DNAH5: variants seen among roughly 807,000 people sequenced by gnomAD.
The protein encoded by DNAH5 is axonemal beta dynein heavy chain 5.
A neutral mutation model predicts 518.2 loss-of-function variants in DNAH5; 372 were observed. The ratio of observed to expected loss-of-function variants is 0.72; its 90% CI spans 0.66 to 0.78. DNAH5 has a LOEUF of 0.78. DNAH5 is among the 30% of genes least tolerant of loss of function. The pLI is 0.00. For missense variants in DNAH5, 5,523 were observed against 5,687.0 expected (o/e 0.97, Z 0.93); for synonymous variants, 2,039 against 2,025.9 (o/e 1.01, Z -0.17).
At chr5:13,882,622 T>C in intron 21 of DNAH5, 106 bp downstream of exon 21, 1 of 902,162 alleles carries the variant, frequency 1.1e-6, no homozygotes, top group African/African-American at 1.6e-5. Context: ...AGATTAATAT[T>C]CTGATGTAAA....
chr5:13,854,272 C>G lies in DNAH5; in HGVS notation c.4951-3457G>C, dbSNP rs540771355. Among the ~76,000 whole-genome samples, 3 of 152,230 alleles carry G rather than the reference C, an allele frequency of 2.0e-5. No individual in the cohort carries two copies. In the South Asian group the frequency reaches 6.2e-4, roughly 32 times the overall value. On this transcript the variant is annotated intron_variant, in intron 30 of 78. Coordinates refer to ENST00000265104, the MANE Select transcript of DNAH5 (RefSeq NM_001369.3). ...GAATTTCATATCCAGCCAAACTAAG[C>G]TTCATAAATGAAGGAGAAATAAAAT... is the stretch of plus-strand genomic sequence containing the variant.
chr5:13,701,151 A>C, intron 77 of DNAH5, 133 bp downstream of exon 77: 3 of 1,221,182 alleles, frequency 2.5e-6, no homozygotes, highest in Non-Finnish European at 3.6e-6. Flanking sequence ...ATTTATGTAC[A>C]TGACAATGTA....
chr5:13,869,407 G>C (rs1769751574), intron 24 of DNAH5, among the ~76,000 whole-genome samples: 1 of 151,976 alleles, frequency 6.6e-6, no homozygotes, highest in South Asian at 2.1e-4. Context: ...ATTTTCATCT[G>C]GAGGTTAACA....
chr5:13,947,155 T>C (rs929753870), upstream of DNAH5, among the ~76,000 whole-genome samples: 2 of 152,238 alleles, frequency 1.3e-5, no homozygotes, highest in Non-Finnish European at 2.9e-5. Context: ...AGTAAAATGT[T>C]ACAAATTTTG....
chr5:13,767,638 C>A (rs1752694074), intron 58 of DNAH5, among the ~76,000 whole-genome samples: 1 of 152,162 alleles, frequency 6.6e-6, no homozygotes, highest in Non-Finnish European at 1.5e-5. Context: ...GCTTACTTTA[C>A]TTTAGCTTTA....
At chr5:13,775,995 A>T (rs1023490188) in intron 55 of DNAH5, among the ~76,000 whole-genome samples, 1 of 151,102 alleles carries the variant, frequency 6.6e-6, no homozygotes, top group African/African-American at 2.4e-5. Flanking sequence ...AAAAAGCTAA[A>T]TGTACGCTCT....
chr5:13,979,149 C>T (rs1414908042), intron 1 of DNAH5, among the ~76,000 whole-genome samples: 3 of 152,110 alleles, frequency 2.0e-5, no homozygotes, highest in Non-Finnish European at 4.4e-5. Flanking sequence ...GGCTTTCCGG[C>T]TCACTGTTCC....
At chr5:13,949,093 G>A (rs1780160845), upstream of DNAH5, among the ~76,000 whole-genome samples, 1 of 152,294 alleles carries the variant, frequency 6.6e-6, no homozygotes, top group East Asian at 1.9e-4. Context: ...CATTGTCAGA[G>A]AGGATTCCAT....
rs371109536 is a variant in DNAH5 at position 13,769,112 on chromosome 5, C to G, written c.9745G>C (p.Ala3249Pro). The G allele has an allele frequency of 1.2e-6, 2 of 1,614,170 alleles. No homozygotes were observed. The highest frequency in any genetic ancestry group is 1.7e-5 in the Admixed American group (1 of 60,022). The change falls in exon 58 of 79, where the codon GCA (alanine) becomes CCA (proline). Residue 3249 changes from alanine (A) to proline (P), a missense_variant. This residue lies in a region of DNAH5 where 5,121 missense variants were observed against 5,223.3 expected (regional missense o/e 0.98). Transcript: ENST00000265104. Reference protein sequence around the residue: ...DMVLKEVTMKAQAAEKVKAEV... With the variant: ...DMVLKEVTMKPQAAEKVKAEV... Reference sequence around the variant, plus strand: ...GCCTTGACCTTTTCAGCAGCCTGTGCTTTCATTGTCACTTCTTTTAAGACC... The same window carrying G: ...GCCTTGACCTTTTCAGCAGCCTGTGGTTTCATTGTCACTTCTTTTAAGACC...
chr5:13,907,160 G>A (rs1244673314), intron 12 of DNAH5, among the ~76,000 whole-genome samples: 7 of 152,096 alleles, frequency 4.6e-5, no homozygotes, highest in Non-Finnish European at 8.8e-5. Flanking sequence ...GCCAGGCACG[G>A]TGGCTCACGA....
chr5:13,862,586 C>T lies in DNAH5; in HGVS notation c.4758G>A (p.Glu1586=), dbSNP rs1457524675. 1.9e-6 allele frequency: 3 copies of T among 1,613,946 alleles called. No homozygotes were observed. The highest frequency in any genetic ancestry group is 1.3e-5 in the African/African-American group (1 of 75,000). Reference sequence around the variant, plus strand: ...GGGATCCCAGCAACATCAAGCTGTCCTCCATGTTGGCGATGATTTCCGAGG... The same window carrying T: ...GGGATCCCAGCAACATCAAGCTGTCTTCCATGTTGGCGATGATTTCCGAGG... ...DSTSEIIANM[E]DSLMLLGSLL... The change falls in exon 29 of 79, where the codon GAG becomes GAA. Residue 1586 remains glutamate, a synonymous_variant. Transcript: ENST00000265104.
At chr5:13,849,538 A>G (rs148589977) in intron 31 of DNAH5, among the ~76,000 whole-genome samples, 5 of 152,356 alleles carry the variant, frequency 3.3e-5, no homozygotes, top group East Asian at 1.9e-4. Flanking sequence ...TATGAATCCT[A>G]TGAACCTATC....
intron 40 of DNAH5, among the ~76,000 whole-genome samples, chr5:13,821,939 C>T (rs1044898717): frequency 2.0e-5 from 3 of 152,000 alleles, no homozygotes; most frequent in African/African-American, 4.8e-5. Context: ...GGACTATAGA[C>T]ATGCACCACT....
intron 1 of DNAH5, among the ~76,000 whole-genome samples, chr5:13,982,854 G>A (rs1010864260): frequency 6.6e-6 from 1 of 152,248 alleles, no homozygotes; most frequent in Non-Finnish European, 1.5e-5. Flanking sequence ...AAGGCCTTGT[G>A]GTGAGCTCTG....
intron 1 of DNAH5, among the ~76,000 whole-genome samples, chr5:13,935,985 G>A (rs1442052181): frequency 6.6e-6 from 1 of 152,182 alleles, no homozygotes; most frequent in African/African-American, 2.4e-5. Context: ...CAATGTCCAA[G>A]GAAATCTAGA....
chr5:13,856,306 T>TA (rs1399034680), intron 30 of DNAH5, among the ~76,000 whole-genome samples: 2 of 152,050 alleles, frequency 1.3e-5, no homozygotes, highest in African/African-American at 4.8e-5. Flanking sequence ...TAAAAAATGA[T>TA]AAAGGGGATA....
chr5:13,887,657 G>A lies in DNAH5; in HGVS notation c.2578-1528C>T, dbSNP rs1217198005. Reference sequence around the variant, plus strand: ...AAACCAGGAACCTACTAGACGCCATGTCTTCTCAAGGTCTCTTCACCCTTA... The same window carrying A: ...AAACCAGGAACCTACTAGACGCCATATCTTCTCAAGGTCTCTTCACCCTTA... On this transcript the variant is annotated intron_variant, in intron 17 of 78. Coordinates refer to ENST00000265104, the MANE Select transcript of DNAH5 (RefSeq NM_001369.3). 2.0e-5 allele frequency among the ~76,000 whole-genome samples: 3 copies of A among 152,276 alleles called. No individual in the cohort carries two copies. In the East Asian group the frequency reaches 5.8e-4, roughly 29 times the overall value.
At chr5:13,702,531 C>T (rs554569879) in intron 76 of DNAH5, among the ~76,000 whole-genome samples, 1 of 152,272 alleles carries the variant, frequency 6.6e-6, no homozygotes, top group East Asian at 1.9e-4. Flanking sequence ...TGGGTCCTAC[C>T]GAGGTGGGTG....
intron 1 of DNAH5, among the ~76,000 whole-genome samples, chr5:14,000,796 A>G (rs1038837918): frequency 6.6e-6 from 1 of 152,208 alleles, no homozygotes; most frequent in Non-Finnish European, 1.5e-5. Flanking sequence ...TACTGAGTAC[A>G]TACCCAAAGG....
Sources: gnomAD v4.1 joint callset for allele counts (sites outside exome capture counted in the v4.1 genomes callset) on GRCh38, gnomAD v4.1.1 for gene constraint, gnomAD v4.1.1 regional missense constraint, MANE v1.5 for transcripts, NCBI Gene and HGNC (gene_info 2026-07-23, HGNC 2026-07-21) for gene names.